Variants in ANKRD29 observed in about 807,000 individuals in gnomAD.
The protein encoded by ANKRD29 is ankyrin repeat domain-containing protein 29.
In ANKRD29, 32 loss-of-function variants were observed where a neutral mutation model predicts 38.0. The ratio of observed to expected loss-of-function variants is 0.84; its 90% CI spans 0.64 to 1.13. The LOEUF (loss-of-function observed/expected upper bound fraction) is 1.13. Ranked by LOEUF, ANKRD29 falls within the 50% of genes most tolerant of loss-of-function variation. ANKRD29 has a pLI of 0.00. For synonymous variants in ANKRD29, 135 were observed against 152.4 expected, an observed-to-expected ratio of 0.89 and a Z score of 0.84; for missense variants, 357 against 377.9, an observed-to-expected ratio of 0.94 and a Z score of 0.46.
intron 4 of ANKRD29, among the ~76,000 whole-genome samples, 181 bp downstream of exon 4, chr18:23,638,668 G>T (rs769591034): frequency 4.6e-5 from 7 of 152,110 alleles, no homozygotes; most frequent in Non-Finnish European, 1.0e-4. Context: ...GTAACGTTTT[G>T]AATAGAACCC....
At chr18:23,610,750 A>G (rs986928834) in intron 9 of ANKRD29, among the ~76,000 whole-genome samples, 5 of 152,238 alleles carry the variant, frequency 3.3e-5, no homozygotes, top group Non-Finnish European at 7.3e-5. Flanking sequence ...ACCATGGCTC[A>G]CTGCACCCTT....
rs2059812805 is a variant in ANKRD29 at position 23,622,816 on chromosome 18, C to T, written c.529-3187G>A. On this transcript the variant is annotated intron_variant, in intron 6 of 9. Transcript: ENST00000592179. ...TCCTGACCTCAAGTGATCCACCCGC[C>T]TTGGTCTCCCACAGTGCTGGGATTA... Among the ~76,000 whole-genome samples, 3 of 152,208 alleles carry T rather than the reference C, an allele frequency of 2.0e-5. No homozygotes were observed. In the South Asian group the frequency reaches 6.2e-4, roughly 31 times the overall value.
chr18:23,619,700 A>G, intron 6 of ANKRD29, 71 bp from the exon 7 acceptor site: 3 of 1,333,176 alleles, frequency 2.3e-6, no homozygotes, highest in Non-Finnish European at 3.0e-6. Context: ...AACGTCTTTA[A>G]CACCAGGGGT....
intron 8 of ANKRD29, among the ~76,000 whole-genome samples, chr18:23,616,605 T>C (rs1402261038): frequency 1.5e-5 from 2 of 134,314 alleles, no homozygotes; most frequent in Non-Finnish European, 3.0e-5. Context: ...CTATATATAC[T>C]ATATATATAG....
At chr18:23,626,248 C>A (rs553057036) in intron 6 of ANKRD29, among the ~76,000 whole-genome samples, 5 of 152,286 alleles carry the variant, frequency 3.3e-5, no homozygotes, top group Admixed American at 2.6e-4. Context: ...GGAGATGGCA[C>A]TTTATTAGAT....
At chr18:23,634,706 G>T (rs553455736) in intron 4 of ANKRD29, among the ~76,000 whole-genome samples, 2 of 152,260 alleles carry the variant, frequency 1.3e-5, no homozygotes, top group African/African-American at 4.8e-5. Context: ...ACAGTTTTTT[G>T]ACCAAGTTAT....
chr18:23,625,674 A>G (rs984881064), intron 6 of ANKRD29, among the ~76,000 whole-genome samples: 1 of 152,168 alleles, frequency 6.6e-6, no homozygotes, highest in African/African-American at 2.4e-5. Flanking sequence ...TTTTGCAGGG[A>G]TTATTTTATT....
chr18:23,646,185 C>G lies in ANKRD29; in HGVS notation c.231+4G>C, dbSNP rs373864451. The G allele has an allele frequency of 7.4e-6, 12 of 1,613,838 alleles. No individual in the cohort carries two copies. Among genetic ancestry groups the G allele is most frequent in the Non-Finnish European group, 1.0e-5 (12 of 1,179,952 alleles). ...TTTTTCTTCAAGTGCAAAGCCTGAC[C>G]TACCTCTCTCTGGAGATTGATGTCT... On this transcript the variant is annotated splice_donor_region_variant and intron_variant, in intron 3 of 9. Transcript: ENST00000592179.
intron 3 of ANKRD29, among the ~76,000 whole-genome samples, chr18:23,639,539 T>A (rs981071913): frequency 4.6e-5 from 7 of 151,022 alleles, no homozygotes; most frequent in Non-Finnish European, 1.5e-5. Context: ...ATTTTTTTTT[T>A]TTTTTTTTTT....
chr18:23,645,023 T>C (rs2145720010), intron 3 of ANKRD29, among the ~76,000 whole-genome samples: 1 of 152,292 alleles, frequency 6.6e-6, no homozygotes, highest in South Asian at 2.1e-4. Context: ...ATATACGATA[T>C]ACTGGCTTGA....
At position 23,619,643 on chromosome 18, in the gene ANKRD29, A is replaced by AGGC. The variant is rs934636844; in HGVS notation, c.529-17_529-15dup. The AGGC allele has an allele frequency of 9.7e-6, 15 of 1,540,448 alleles. No individual in the cohort carries two copies. The highest frequency in any genetic ancestry group is 1.3e-5 in the Non-Finnish European group (15 of 1,156,622). Reference sequence around the variant, plus strand: ...CGCTGTCCCGTCCTGCGGGAAGAGGAGGCGGCGGCCGCCGTGACTGGGGCG... The same window carrying AGGC: ...CGCTGTCCCGTCCTGCGGGAAGAGGAGGCGGCGGCGGCCGCCGTGACTGGGGCG... On this transcript the variant is annotated splice_polypyrimidine_tract_variant and intron_variant, in intron 6 of 9. Transcript: ENST00000592179.
At position 23,612,030 on chromosome 18, in the gene ANKRD29, T is replaced by C. The variant is rs2059648732; in HGVS notation, c.822+62A>G. The C allele has an allele frequency of 3.4e-6, 5 of 1,472,820 alleles. No individual in the cohort carries two copies. In the East Asian group the frequency reaches 9.1e-5, roughly 27 times the overall value. 91.2% of individuals were successfully genotyped at this position (1,472,820 alleles called of 1,614,324 possible). A position where few individuals can be genotyped will look rare whatever the true frequency, so the allele number is the denominator to read the frequency against. On this transcript the variant is annotated intron_variant, in intron 9 of 9. Transcript: ENST00000592179. ...ACTGGAGCCAGGGAGATGTTTATCCTTCCTGGCCTAGGAGGACACATCAAT... is the reference window on the plus strand; with the variant it reads ...ACTGGAGCCAGGGAGATGTTTATCCCTCCTGGCCTAGGAGGACACATCAAT...
intron 8 of ANKRD29, among the ~76,000 whole-genome samples, chr18:23,613,178 T>G (rs2059665708): frequency 6.8e-6 from 1 of 146,700 alleles, no homozygotes; most frequent in Non-Finnish European, 1.5e-5. Flanking sequence ...TTTTTTTTTT[T>G]TTTTTTTTTT....
intron 6 of ANKRD29, among the ~76,000 whole-genome samples, chr18:23,624,302 A>G (rs534967709): frequency 6.6e-6 from 1 of 151,798 alleles, no homozygotes; most frequent in Admixed American, 6.6e-5. Flanking sequence ...CTCTGTCTCA[A>G]CTAAAAATAC....
At position 23,624,466 on chromosome 18, in the gene ANKRD29, C is replaced by CAAAAAAAAAAA. The variant is rs56005663; in HGVS notation, c.529-4848_529-4838dup. 2.0e-3 allele frequency among the ~76,000 whole-genome samples: 66 copies of CAAAAAAAAAAA among 32,442 alleles called. 10 individuals carry two copies. The highest frequency in any genetic ancestry group is 2.5e-3 in the Non-Finnish European group (36 of 14,580). 21.3% of individuals were successfully genotyped at this position (32,442 alleles called of 152,430 possible). ...TGGGCGACAGAGTGAGACTCCATCT[C>CAAAAAAAAAAA]AAAAAAAAAAAAAAAAAAAAAAAAA... is the stretch of plus-strand genomic sequence containing the variant. On this transcript the variant is annotated intron_variant, in intron 6 of 9. Coordinates refer to ENST00000592179, the MANE Select transcript of ANKRD29 (RefSeq NM_173505.4).
At chr18:23,638,980 C>T (rs749812752) in intron 3 of ANKRD29, 33 bp from the exon 4 acceptor site, 2 of 1,483,308 alleles carry the variant, frequency 1.3e-6, no homozygotes, top group Admixed American at 2.1e-5. Context: ...TTTTAAAAGA[C>T]ATTTGGTTAT....
At chr18:23,629,072 C>T (rs2059897063) in intron 6 of ANKRD29, among the ~76,000 whole-genome samples, 1 of 152,212 alleles carries the variant, frequency 6.6e-6, no homozygotes, top group Admixed American at 6.5e-5. Flanking sequence ...GCAACTTCTG[C>T]TTCCCAGGTT....
At chr18:23,651,157 G>A (rs148650513) in intron 1 of ANKRD29, among the ~76,000 whole-genome samples, 9 of 152,198 alleles carry the variant, frequency 5.9e-5, no homozygotes, top group Non-Finnish European at 1.2e-4. Context: ...ATACACAGGC[G>A]TACGCCCTTG....
chr18:23,632,529 G>GTATATATATA (rs1319966480), intron 5 of ANKRD29, among the ~76,000 whole-genome samples: 242 of 68,114 alleles, frequency 3.6e-3, no homozygotes, highest in East Asian at 0.013. Flanking sequence ...GTGTGTGTGT[G>GTATATATATA]TGTGTATATA....
Sources: allele counts gnomAD v4.1 joint callset (sites outside exome capture counted in the v4.1 genomes callset), GRCh38; gene constraint gnomAD v4.1.1; transcripts MANE v1.5; gene names NCBI Gene and HGNC (gene_info 2026-07-23, HGNC 2026-07-21).